RGS6: variants seen among roughly 807,000 people sequenced by gnomAD.
RGS6 encodes the protein regulator of G-protein signaling 6.
A neutral mutation model predicts 78.5 loss-of-function variants in RGS6; 30 were observed. That is an observed-to-expected ratio of 0.38 (90% CI 0.29 to 0.52). RGS6 has a LOEUF of 0.52. Ranked by LOEUF, RGS6 falls within the 20% of genes least tolerant of loss-of-function variation. The pLI, the probability that RGS6 is intolerant of heterozygous loss-of-function variation, is 0.85. For synonymous variants in RGS6, 206 were observed against 206.0 expected (o/e 1.00, Z 0.00); for missense variants, 495 against 609.7 (o/e 0.81, Z 1.98).
chr14:72,361,555 A>G (rs2081460506), intron 3 of RGS6, among the ~76,000 whole-genome samples: 1 of 152,196 alleles, frequency 6.6e-6, no homozygotes, highest in Admixed American at 6.5e-5. Flanking sequence ...GGCAGGGACA[A>G]TAATATAAGA....
chr14:72,024,381 G>A (rs1053528401), intron 2 of RGS6, among the ~76,000 whole-genome samples: 2 of 152,128 alleles, frequency 1.3e-5, no homozygotes, highest in South Asian at 2.1e-4. Context: ...GTCAAGTAAG[G>A]TTTTCATCGT....
intron 16 of RGS6, 31 bp downstream of exon 16, chr14:72,536,306 G>A: frequency 6.5e-7 from 1 of 1,530,660 alleles, no homozygotes; most frequent in Non-Finnish European, 9.1e-7. Flanking sequence ...CTTGCTCTTA[G>A]CACTGTTGAC....
At chr14:72,127,974 C>T (rs2096239957) in intron 2 of RGS6, among the ~76,000 whole-genome samples, 2 of 152,140 alleles carry the variant, frequency 1.3e-5, no homozygotes, top group South Asian at 4.1e-4. Flanking sequence ...CAAGATTCAT[C>T]CAAGTTGTTG....
intron 2 of RGS6, among the ~76,000 whole-genome samples, 187 bp downstream of exon 2, chr14:71,965,062 A>C (rs1316165226): frequency 6.6e-6 from 1 of 152,244 alleles, no homozygotes; most frequent in Non-Finnish European, 1.5e-5. Context: ...CTTGGTATTT[A>C]ACACTTGAAA....
chr14:71,997,734 A>G (rs2082667866), intron 2 of RGS6, among the ~76,000 whole-genome samples: 1 of 152,176 alleles, frequency 6.6e-6, no homozygotes, highest in Non-Finnish European at 1.5e-5. Context: ...GGAATGAGAT[A>G]AAGACTTACA....
the RGS6 span, among the ~76,000 whole-genome samples, chr14:72,607,352 C>T: frequency 6.6e-6 from 1 of 152,224 alleles, no homozygotes; most frequent in Non-Finnish European, 1.5e-5. Context: ...CAAGGGCCTG[C>T]CTCCTCATGG....
intron 2 of RGS6, among the ~76,000 whole-genome samples, chr14:72,351,886 A>G (rs1217769691): frequency 1.3e-5 from 2 of 152,142 alleles, no homozygotes; most frequent in East Asian, 1.9e-4. Context: ...GACATGACTT[A>G]TGCTCTGTAT....
At chr14:72,084,330 C>A (rs960959253) in intron 2 of RGS6, among the ~76,000 whole-genome samples, 3 of 152,186 alleles carry the variant, frequency 2.0e-5, no homozygotes, top group Admixed American at 1.3e-4. Context: ...ACTCACCCAC[C>A]GCCCACCTCC....
the RGS6 span, among the ~76,000 whole-genome samples, chr14:72,589,108 C>T: frequency 1.0e-2 from 1,516 of 152,290 alleles, 29 homozygotes; most frequent in African/African-American, 0.035. Flanking sequence ...TGTCTAACTA[C>T]ACTAATAATT....
intron 2 of RGS6, among the ~76,000 whole-genome samples, chr14:71,985,754 C>A (rs17105346): frequency 6.6e-6 from 1 of 152,080 alleles, no homozygotes; most frequent in Non-Finnish European, 1.5e-5. Flanking sequence ...CATCCTTATC[C>A]TGAGAGCTTT....
In RGS6 at chr14:72,510,200, G is replaced by C; in HGVS notation, c.1012G>C (p.Asp338His). Residue 338 changes from aspartate to histidine, a missense_variant, in exon 14 of 18, where the codon GAT becomes CAT. Transcript: ENST00000553525. The part of the protein sequence containing the change: ...QRVKRWGFSF[D>H]EILKDQVGRD... ...AGTAAAAAGATGGGGCTTCTCTTTC[G>C]ATGAGATATTGAAGGACCAGGTGGG... 1.9e-6 allele frequency: 3 copies of C among 1,613,458 alleles called. No homozygotes were observed. The highest frequency in any genetic ancestry group is 2.5e-6 in the Non-Finnish European group (3 of 1,179,812).
At chr14:72,474,749 A>T in intron 10 of RGS6, 50 bp downstream of exon 10, 1 of 1,429,550 alleles carries the variant, frequency 7.0e-7, no homozygotes, top group South Asian at 1.2e-5. Context: ...TAGCCCTTCC[A>T]GTTCTAGTAC....
At chr14:72,309,029 G>A (rs1003124181) in intron 2 of RGS6, among the ~76,000 whole-genome samples, 4 of 152,192 alleles carry the variant, frequency 2.6e-5, no homozygotes, top group African/African-American at 4.8e-5. Flanking sequence ...ATTGGTTTTA[G>A]CTAGTGTGGA....
At chr14:72,209,673 C>T (rs2043570959) in intron 2 of RGS6, among the ~76,000 whole-genome samples, 1 of 152,164 alleles carries the variant, frequency 6.6e-6, no homozygotes, top group East Asian at 1.9e-4. Context: ...AGGAGAAAAG[C>T]ACTGAGTAGC....
At chr14:72,404,550 C>T (rs946821859) in intron 3 of RGS6, among the ~76,000 whole-genome samples, 2 of 152,194 alleles carry the variant, frequency 1.3e-5, no homozygotes, top group African/African-American at 4.8e-5. Flanking sequence ...TGCCAGCAGC[C>T]CTGCATGCTT....
At chr14:72,413,031 G>A (rs1197746788) in intron 3 of RGS6, among the ~76,000 whole-genome samples, 1 of 152,208 alleles carries the variant, frequency 6.6e-6, no homozygotes, top group African/African-American at 2.4e-5. Flanking sequence ...GTGCTGAAAA[G>A]AATGTATATT....
At chr14:72,298,887 G>A (rs1445987703) in intron 2 of RGS6, among the ~76,000 whole-genome samples, 2 of 152,170 alleles carry the variant, frequency 1.3e-5, no homozygotes, top group East Asian at 1.9e-4. Flanking sequence ...AGTAGAATTT[G>A]CCAGGGAACC....
intron 3 of RGS6, among the ~76,000 whole-genome samples, chr14:72,363,610 A>G (rs1207843262): frequency 6.6e-6 from 1 of 152,238 alleles, no homozygotes; most frequent in Non-Finnish European, 1.5e-5. Context: ...CTGACTTGAA[A>G]TAGAGCAGAG....
At chr14:72,052,025 T>C (rs2093279187) in intron 2 of RGS6, among the ~76,000 whole-genome samples, 1 of 152,134 alleles carries the variant, frequency 6.6e-6, no homozygotes, top group Non-Finnish European at 1.5e-5. Flanking sequence ...TAGGTACCTG[T>C]GCAAACGTCA....
Sources: gnomAD v4.1 joint callset for allele counts (sites outside exome capture counted in the v4.1 genomes callset) on GRCh38, gnomAD v4.1.1 for gene constraint, MANE v1.5 for transcripts, NCBI Gene and HGNC (gene_info 2026-07-23, HGNC 2026-07-21) for gene names.